The following DPYD variants were observed in gnomAD, a reference collection of about 807,000 sequenced individuals.
DPYD encodes dihydropyrimidine dehydrogenase.
In DPYD, 109 loss-of-function variants were observed where a neutral mutation model predicts 116.2. The ratio of observed to expected loss-of-function variants is 0.94; its 90% CI spans 0.80 to 1.10. DPYD has a LOEUF of 1.10. DPYD is among the 50% of genes least tolerant of loss of function. The pLI is 0.00. For missense variants in DPYD, 1,302 were observed against 1,254.5 expected, an observed-to-expected ratio of 1.04 and a Z score of -0.57; for synonymous variants, 440 against 432.0, an observed-to-expected ratio of 1.02 and a Z score of -0.23.
chr1:97,117,550 A>G (rs1250572986), intron 20 of DPYD, among the ~76,000 whole-genome samples: 1 of 152,200 alleles, frequency 6.6e-6, no homozygotes, highest in Non-Finnish European at 1.5e-5. Context: ...GAGAAAGACA[A>G]TCCATTGTAT....
In DPYD at chr1:97,573,967, C is replaced by G. The variant is rs201648613; in HGVS notation, c.1132G>C (p.Glu378Gln). The change falls in exon 11 of 23, where the codon GAA (glutamate) becomes CAA (glutamine). Residue 378 changes from glutamate (E) to glutamine (Q), a missense_variant. Coordinates refer to ENST00000370192, the MANE Select transcript of DPYD (RefSeq NM_000110.4). ...TCACACTTTTCTTCCTTAGCAAGTT[C>G]CATCTAAAACAAAACAGAACAGAGA... ...VNIRAVPEEMELAKEEKCEFL... is the reference protein window; with the variant it reads ...VNIRAVPEEMQLAKEEKCEFL... 1.9e-6 allele frequency: 3 copies of G among 1,613,208 alleles called. No homozygotes were observed. Among genetic ancestry groups the G allele is most frequent in the African/African-American group, 1.3e-5 (1 of 74,896 alleles).
At chr1:97,791,094 A>G (rs555788643) in intron 3 of DPYD, among the ~76,000 whole-genome samples, 3 of 152,316 alleles carry the variant, frequency 2.0e-5, no homozygotes, top group African/African-American at 7.2e-5. Flanking sequence ...TTTTCTCATA[A>G]GACATCAGGA....
intron 14 of DPYD, among the ~76,000 whole-genome samples, chr1:97,416,512 C>T (rs1674298818): frequency 6.6e-6 from 1 of 152,092 alleles, no homozygotes; most frequent in African/African-American, 2.4e-5. Flanking sequence ...GTTTTAGTTC[C>T]AAGGTATACA....
chr1:97,081,324 C>T (rs1001751373), intron 22 of DPYD, among the ~76,000 whole-genome samples: 4 of 151,648 alleles, frequency 2.6e-5, no homozygotes, highest in African/African-American at 9.7e-5. Context: ...TTACTTATAG[C>T]TTGAAAAATA....
At chr1:97,266,028 G>C (rs1664206316) in intron 18 of DPYD, among the ~76,000 whole-genome samples, 1 of 152,122 alleles carries the variant, frequency 6.6e-6, no homozygotes, top group Non-Finnish European at 1.5e-5. Context: ...CATGAATTTA[G>C]ACAAATAGTA....
At chr1:97,706,799 G>C (rs1395053799) in intron 5 of DPYD, among the ~76,000 whole-genome samples, 1 of 152,062 alleles carries the variant, frequency 6.6e-6, no homozygotes, top group Middle Eastern at 3.2e-3. Context: ...TGGTGATTAT[G>C]AATAAAGCTG....
intron 10 of DPYD, among the ~76,000 whole-genome samples, chr1:97,586,803 G>A (rs755903033): frequency 1.3e-4 from 19 of 151,406 alleles, no homozygotes; most frequent in Non-Finnish European, 1.5e-4. Flanking sequence ...TCTTGAATAT[G>A]GTAGATTTTA....
intron 14 of DPYD, among the ~76,000 whole-genome samples, chr1:97,396,462 A>T (rs1673011067): frequency 6.6e-6 from 1 of 151,978 alleles, no homozygotes; most frequent in Admixed American, 6.6e-5. Flanking sequence ...AACCTTATTT[A>T]TATGATCTTC....
chr1:97,443,524 C>T (rs1675915057), intron 14 of DPYD, among the ~76,000 whole-genome samples: 1 of 152,082 alleles, frequency 6.6e-6, no homozygotes, highest in South Asian at 2.1e-4. Context: ...TCAACAGAAA[C>T]AAGGACTTGA....
chr1:97,571,538 T>C (rs79323392), intron 11 of DPYD, among the ~76,000 whole-genome samples: 1,987 of 151,940 alleles, frequency 0.013, 23 homozygotes, highest in Middle Eastern at 0.024. Context: ...AAAGTGAGGT[T>C]GAAAAGGAGA....
intron 18 of DPYD, among the ~76,000 whole-genome samples, chr1:97,239,162 C>A (rs1339461257): frequency 6.6e-6 from 1 of 152,116 alleles, no homozygotes; most frequent in African/African-American, 2.4e-5. Flanking sequence ...GTGTTGAATT[C>A]ATAGATTGTC....
intron 4 of DPYD, among the ~76,000 whole-genome samples, chr1:97,735,573 A>T (rs1433375610): frequency 1.3e-5 from 2 of 150,514 alleles, no homozygotes; most frequent in Admixed American, 1.3e-4. Flanking sequence ...CTGTAGTCCC[A>T]GGTACTCTGG....
intron 11 of DPYD, among the ~76,000 whole-genome samples, chr1:97,558,757 T>C (rs1651924764): frequency 6.6e-6 from 1 of 152,190 alleles, no homozygotes; most frequent in Non-Finnish European, 1.5e-5. Context: ...TTCCACTTCC[T>C]AAACTGACCA....
At chr1:97,113,516 T>A (rs997514734) in intron 20 of DPYD, among the ~76,000 whole-genome samples, 2 of 152,140 alleles carry the variant, frequency 1.3e-5, no homozygotes, top group Admixed American at 1.3e-4. Context: ...CCCCATTAGT[T>A]AGATTTGAGA....
At chr1:97,183,372 A>G (rs1657777979) in intron 20 of DPYD, among the ~76,000 whole-genome samples, 1 of 152,006 alleles carries the variant, frequency 6.6e-6, no homozygotes, top group African/African-American at 2.4e-5. Context: ...TCTTTTCTCC[A>G]TTGGATTGCT....
intron 19 of DPYD, among the ~76,000 whole-genome samples, chr1:97,199,179 T>G (rs2101839702): frequency 6.6e-6 from 1 of 152,280 alleles, no homozygotes; most frequent in South Asian, 2.1e-4. Context: ...TTTACATACA[T>G]TATTTCTTTC....
chr1:97,817,475 T>C (rs1668683909), intron 3 of DPYD, among the ~76,000 whole-genome samples: 1 of 152,072 alleles, frequency 6.6e-6, no homozygotes, highest in Non-Finnish European at 1.5e-5. Context: ...TATAACTAAA[T>C]GTCAATGTCT....
intron 10 of DPYD, among the ~76,000 whole-genome samples, chr1:97,589,498 C>T (rs1397463475): frequency 1.3e-5 from 2 of 152,154 alleles, no homozygotes; most frequent in Non-Finnish European, 2.9e-5. Context: ...CCTCCATGAT[C>T]GTTAAGTTTC....
At chr1:97,294,454 C>G (rs1255047060) in intron 18 of DPYD, among the ~76,000 whole-genome samples, 2 of 152,082 alleles carry the variant, frequency 1.3e-5, no homozygotes, top group Non-Finnish European at 2.9e-5. Flanking sequence ...TTTTCCTCAT[C>G]TAATGAAAAG....
Sources: allele counts gnomAD v4.1 joint callset (sites outside exome capture counted in the v4.1 genomes callset), GRCh38; gene constraint gnomAD v4.1.1; transcripts MANE v1.5; gene names NCBI Gene and HGNC (gene_info 2026-07-23, HGNC 2026-07-21).